EEFSEC: variants seen among roughly 807,000 people sequenced by gnomAD.
The protein encoded by EEFSEC is eukaryotic elongation factor, selenocysteine-tRNA specific, also known as selenocysteine-specific elongation factor.
In EEFSEC, 43 loss-of-function variants were observed where a neutral mutation model predicts 42.1. The ratio of observed to expected loss-of-function variants is 1.02; its 90% CI spans 0.80 to 1.32. The LOEUF (loss-of-function observed/expected upper bound fraction) is 1.32, where lower values mean the gene tolerates loss of function less well. EEFSEC is among the 40% of genes most tolerant of loss of function. The probability of loss-of-function intolerance (pLI) is 0.00; values close to 1 mark genes in which losing one functional copy is unlikely to be tolerated. For missense variants in EEFSEC, 745 were observed against 803.6 expected, an observed-to-expected ratio of 0.93 and a Z score of 0.88; for synonymous variants, 354 against 339.1, an observed-to-expected ratio of 1.04 and a Z score of -0.48.
the EEFSEC span, among the ~76,000 whole-genome samples, chr3:128,425,742 GCAGGCAAGAAAC>G: frequency 6.6e-6 from 1 of 152,174 alleles, no homozygotes; most frequent in Non-Finnish European, 1.5e-5. Flanking sequence ...CCTGTGGGCA[GCAGGCAAGAAAC>G]CAGGCAGCCT....
intron 4 of EEFSEC, among the ~76,000 whole-genome samples, chr3:128,335,846 G>A (rs769838843): frequency 3.0e-4 from 45 of 152,326 alleles, no homozygotes; most frequent in Non-Finnish European, 5.6e-4. Flanking sequence ...AGCCGACCCT[G>A]TCTCCTGATG....
At chr3:128,333,401 T>C (rs1490422989) in intron 4 of EEFSEC, among the ~76,000 whole-genome samples, 2 of 152,248 alleles carry the variant, frequency 1.3e-5, no homozygotes, top group Non-Finnish European at 2.9e-5. Flanking sequence ...ATCGCTGTGC[T>C]GAATTGTGTT....
At chr3:128,240,671 A>T (rs995107284) in intron 1 of EEFSEC, among the ~76,000 whole-genome samples, 5 of 152,184 alleles carry the variant, frequency 3.3e-5, no homozygotes, top group Non-Finnish European at 7.3e-5. Context: ...TCTCCTTAAA[A>T]CTGATTTTCT....
At chr3:128,313,523 C>T (rs576146712) in intron 4 of EEFSEC, among the ~76,000 whole-genome samples, 5 of 152,234 alleles carry the variant, frequency 3.3e-5, no homozygotes, top group Non-Finnish European at 7.3e-5. Flanking sequence ...GCAGGTAGGC[C>T]TCCCACTCCC....
At chr3:128,420,225 T>C in the EEFSEC span, among the ~76,000 whole-genome samples, 1 of 152,192 alleles carries the variant, frequency 6.6e-6, no homozygotes, top group Non-Finnish European at 1.5e-5. Flanking sequence ...CTTGGATTGG[T>C]CAGAACTGAC....
At chr3:128,248,502 C>G (rs2066150952) in intron 2 of EEFSEC, among the ~76,000 whole-genome samples, 3 of 152,160 alleles carry the variant, frequency 2.0e-5, no homozygotes. Flanking sequence ...CCGATAAAAT[C>G]GACACATTTA....
intron 6 of EEFSEC, among the ~76,000 whole-genome samples, chr3:128,365,219 G>A (rs1341481292): frequency 1.3e-5 from 2 of 152,238 alleles, no homozygotes; most frequent in East Asian, 3.8e-4. Flanking sequence ...CAAGGCCTGG[G>A]TGGGGAGGGG....
intron 1 of EEFSEC, among the ~76,000 whole-genome samples, chr3:128,194,756 C>T (rs1344895504): frequency 1.3e-5 from 2 of 151,974 alleles, no homozygotes; most frequent in Non-Finnish European, 2.9e-5. Context: ...AAAAGCAGGG[C>T]AAGGAATTCT....
chr3:128,292,577 C>G (rs1028439665), intron 4 of EEFSEC, among the ~76,000 whole-genome samples: 7 of 151,578 alleles, frequency 4.6e-5, no homozygotes, highest in African/African-American at 1.7e-4. Flanking sequence ...CTATTTTTGT[C>G]TATTTATTGG....
chr3:128,252,814 A>G (rs1413481502), intron 2 of EEFSEC, among the ~76,000 whole-genome samples: 1 of 152,214 alleles, frequency 6.6e-6, no homozygotes, highest in Non-Finnish European at 1.5e-5. Context: ...CAAGCACCGC[A>G]ACATACTGTA....
intron 1 of EEFSEC, among the ~76,000 whole-genome samples, chr3:128,198,716 A>C (rs1301155596): frequency 2.0e-5 from 3 of 152,226 alleles, no homozygotes; most frequent in Non-Finnish European, 4.4e-5. Context: ...CTTTCTGTGA[A>C]GAGCCACACA....
chr3:128,372,044 G>A (rs2067660179), intron 6 of EEFSEC, among the ~76,000 whole-genome samples: 1 of 152,238 alleles, frequency 6.6e-6, no homozygotes, highest in South Asian at 2.1e-4. Context: ...CTTTGCTTAG[G>A]ACTCTCTAAA....
At position 128,389,721 on chromosome 3, in the gene EEFSEC, G is replaced by C. The variant is rs2142341; in HGVS notation, c.1601-18348G>C. Among the ~76,000 whole-genome samples, 10 of 152,386 alleles carry C rather than the reference G, an allele frequency of 6.6e-5. No individual in the cohort carries two copies. In the South Asian group the frequency reaches 2.1e-3, roughly 32 times the overall value. ...CCCCAACAGGGAGCATGGCATGCTT[G>C]ACCTTGGGAAAGGGAGGCCTTGGCT... On this transcript the variant is annotated intron_variant, in intron 6 of 6. Coordinates refer to ENST00000254730, the MANE Select transcript of EEFSEC (RefSeq NM_021937.5).
At chr3:128,424,963 G>A in the EEFSEC span, among the ~76,000 whole-genome samples, 1 of 151,942 alleles carries the variant, frequency 6.6e-6, no homozygotes, top group African/African-American at 2.4e-5. Context: ...GGGTGGTCAG[G>A]GCCTCTCACC....
intron 1 of EEFSEC, among the ~76,000 whole-genome samples, chr3:128,163,746 G>A (rs1559849570): frequency 1.3e-5 from 2 of 152,048 alleles, no homozygotes; most frequent in Non-Finnish European, 2.9e-5. Context: ...TCTACTTAAT[G>A]TCTCTGGATT....
chr3:128,391,131 G>A (rs934924092), intron 6 of EEFSEC, among the ~76,000 whole-genome samples: 1 of 152,232 alleles, frequency 6.6e-6, no homozygotes. Context: ...CGCCCCCGGT[G>A]CATGCCTGCA....
intron 2 of EEFSEC, among the ~76,000 whole-genome samples, chr3:128,250,910 G>GTTTTTTTTTTTT (rs1559886787): frequency 2.3e-4 from 8 of 34,516 alleles, no homozygotes; most frequent in African/African-American, 4.4e-4. Context: ...AGTTTTTTTT[G>GTTTTTTTTTTTT]GTTTTTTTTT....
chr3:128,302,905 C>T (rs1488704826), intron 4 of EEFSEC, among the ~76,000 whole-genome samples: 2 of 152,120 alleles, frequency 1.3e-5, no homozygotes, highest in Non-Finnish European at 2.9e-5. Context: ...TTCAGTGTTT[C>T]ATAAATACCC....
intron 1 of EEFSEC, among the ~76,000 whole-genome samples, chr3:128,172,758 G>A (rs2107778502): frequency 6.6e-6 from 1 of 152,268 alleles, no homozygotes; most frequent in Middle Eastern, 3.4e-3. Flanking sequence ...TTGATTCATT[G>A]AGCATGTCCA....
Sources: gnomAD v4.1 joint callset for allele counts (sites outside exome capture counted in the v4.1 genomes callset) on GRCh38, gnomAD v4.1.1 for gene constraint, MANE v1.5 for transcripts, NCBI Gene and HGNC (gene_info 2026-07-23, HGNC 2026-07-21) for gene names.